The following OPHN1 variants were observed in gnomAD, a reference collection of about 807,000 sequenced individuals.
OPHN1 encodes oligophrenin-1.
OPHN1 carries 11 observed loss-of-function variants against 60.7 expected under a neutral mutation model. The ratio of observed to expected loss-of-function variants is 0.18; its 90% CI spans 0.11 to 0.30. OPHN1 has a LOEUF of 0.30. Among genes scored for constraint, OPHN1 ranks in the 10% least tolerant of loss-of-function variants. The pLI is 1.00. For missense variants in OPHN1, 449 were observed against 611.0 expected, an observed-to-expected ratio of 0.73 and a Z score of 2.80; for synonymous variants, 226 against 222.6, an observed-to-expected ratio of 1.02 and a Z score of -0.14.
At chrX:68,347,466 C>T (rs918922572) in intron 2 of OPHN1, among the ~76,000 whole-genome samples, 5 of 110,796 alleles carry the variant, frequency 4.5e-5, no homozygotes, top group East Asian at 2.9e-4. Context: ...CATAGGTGCA[C>T]GCCACCATGC....
intron 6 of OPHN1, among the ~76,000 whole-genome samples, chrX:68,232,043 A>G (rs2077731320): frequency 9.0e-6 from 1 of 111,608 alleles, no homozygotes; most frequent in South Asian, 3.8e-4. Flanking sequence ...TAAACCTAAA[A>G]CTTCTCTAAA....
intron 3 of OPHN1, among the ~76,000 whole-genome samples, chrX:68,296,651 A>C (rs1164486780): frequency 1.0e-5 from 1 of 99,184 alleles, no homozygotes; most frequent in East Asian, 2.9e-4. Flanking sequence ...CCATCTTAAA[A>C]AAAAAAAAAA....
intron 15 of OPHN1, among the ~76,000 whole-genome samples, chrX:68,157,634 A>C (rs1020881483): frequency 3.6e-5 from 4 of 111,731 alleles, no homozygotes; most frequent in Non-Finnish European, 1.9e-5. Flanking sequence ...TACTATGCTC[A>C]CTACCTGGGT....
chrX:68,402,922 G>A (rs1287812981), intron 2 of OPHN1, among the ~76,000 whole-genome samples: 2 of 111,694 alleles, frequency 1.8e-5, no homozygotes, highest in African/African-American at 6.5e-5. Flanking sequence ...AGATAAAATT[G>A]GGGGAGAGGT....
chrX:68,352,454 A>G lies in OPHN1; in HGVS notation c.155-53358T>C, dbSNP rs529458649. Among the ~76,000 whole-genome samples the G allele has an allele frequency of 7.2e-5, 8 of 110,741 alleles. No homozygotes were observed. The East Asian group carries it at 8.5e-4, about 12-fold the overall frequency. On this transcript the variant is annotated intron_variant, in intron 2 of 24. Transcript: ENST00000355520. ...GACAGTGCTTTGATCCCAAAGCCCA[A>G]TGATTTGCTATGCATGCATTTCTTG... is the stretch of plus-strand genomic sequence containing the variant.
intron 2 of OPHN1, among the ~76,000 whole-genome samples, chrX:68,329,398 G>A (rs2078283904): frequency 8.9e-6 from 1 of 112,236 alleles, no homozygotes; most frequent in East Asian, 2.8e-4. Context: ...ATGTTCATTG[G>A]CATATTATGG....
intron 15 of OPHN1, among the ~76,000 whole-genome samples, chrX:68,136,031 C>T (rs1019040224): frequency 9.0e-5 from 10 of 111,450 alleles, no homozygotes; most frequent in African/African-American, 3.3e-4. Flanking sequence ...AGAGTCATTC[C>T]TTCCTTAAGC....
At chrX:68,207,541 C>T (rs986332777) in intron 9 of OPHN1, among the ~76,000 whole-genome samples, 1 of 111,281 alleles carries the variant, frequency 9.0e-6, no homozygotes, top group African/African-American at 3.3e-5. Flanking sequence ...CCTATTGTCC[C>T]CATCTCTGAT....
At chrX:68,157,945 C>T (rs996576234) in intron 15 of OPHN1, among the ~76,000 whole-genome samples, 2 of 110,801 alleles carry the variant, frequency 1.8e-5, no homozygotes, top group Non-Finnish European at 3.8e-5. Flanking sequence ...ATTTTCTTTT[C>T]TTTTTTTTCT....
chrX:68,066,724 C>T (rs1020758780), intron 20 of OPHN1, among the ~76,000 whole-genome samples: 2 of 111,502 alleles, frequency 1.8e-5, no homozygotes, highest in Non-Finnish European at 3.8e-5. Flanking sequence ...TGTTACTAGC[C>T]CCATTTTACA....
intron 2 of OPHN1, among the ~76,000 whole-genome samples, chrX:68,385,730 G>A (rs2078621126): frequency 8.9e-6 from 1 of 112,013 alleles, no homozygotes; most frequent in African/African-American, 3.2e-5. Flanking sequence ...CACACACACA[G>A]GAGGAACTTT....
intron 9 of OPHN1, among the ~76,000 whole-genome samples, chrX:68,208,725 A>T (rs760315904): frequency 3.8e-4 from 43 of 112,191 alleles, no homozygotes; most frequent in African/African-American, 1.3e-3. Flanking sequence ...AGCATACAGC[A>T]GTGGTTCTCA....
At chrX:68,121,265 A>C (rs1215368334) in intron 15 of OPHN1, among the ~76,000 whole-genome samples, 1 of 112,493 alleles carries the variant, frequency 8.9e-6, no homozygotes, top group East Asian at 2.8e-4. Flanking sequence ...GATATCCAAA[A>C]TATAGAAGTA....
intron 5 of OPHN1, among the ~76,000 whole-genome samples, chrX:68,236,791 T>G (rs2077754914): frequency 8.9e-6 from 1 of 112,405 alleles, no homozygotes; most frequent in Admixed American, 9.4e-5. Flanking sequence ...TTTATTCTTT[T>G]GCAAGTAAAT....
intron 2 of OPHN1, among the ~76,000 whole-genome samples, chrX:68,407,757 G>A (rs1246816338): frequency 9.0e-6 from 1 of 111,366 alleles, no homozygotes; most frequent in East Asian, 2.8e-4. Flanking sequence ...TATCCAAATG[G>A]AGAAAATAAC....
chrX:68,317,381 AAGGAAGG>A lies in OPHN1; in HGVS notation c.155-18292_155-18286del, dbSNP rs1569278160. ...AAAGAAAGAAAGAAAGAAAGAAAGG[AAGGAAGG>A]AAGGAAGGAAGGAAGGAAGGAAGGA... On this transcript the variant is annotated intron_variant, in intron 2 of 24. Transcript: ENST00000355520. Among the ~76,000 whole-genome samples, 615 of 76,984 alleles carry A rather than the reference AAGGAAGG, an allele frequency of 8.0e-3. 5 individuals are homozygous for A. The highest frequency in any genetic ancestry group is 0.013 in the Non-Finnish European group (513 of 40,018). The allele number at this position is 76,984 out of a possible 115,157, so 66.9% of individuals were successfully genotyped here. A position where few individuals can be genotyped will look rare whatever the true frequency, so the allele number is the denominator to read the frequency against.
At chrX:68,139,540 T>C (rs1479648336) in intron 15 of OPHN1, among the ~76,000 whole-genome samples, 1 of 111,946 alleles carries the variant, frequency 8.9e-6, no homozygotes, top group Non-Finnish European at 1.9e-5. Context: ...TGATTTTACA[T>C]AATAAAAAGT....
intron 5 of OPHN1, among the ~76,000 whole-genome samples, chrX:68,241,912 A>C (rs745390713): frequency 4.5e-5 from 5 of 110,326 alleles, no homozygotes; most frequent in Non-Finnish European, 9.5e-5. Context: ...CAAGAGCAAA[A>C]CTCCATCTCA....
At chrX:68,359,669 A>C (rs999396363) in intron 2 of OPHN1, among the ~76,000 whole-genome samples, 27 of 109,146 alleles carry the variant, frequency 2.5e-4, no homozygotes, top group Non-Finnish European at 1.7e-4. Flanking sequence ...ATCCTGGCTA[A>C]CACGGTGAAA....
Sources: allele counts gnomAD v4.1 joint callset (sites outside exome capture counted in the v4.1 genomes callset), GRCh38; gene constraint gnomAD v4.1.1; transcripts MANE v1.5; gene names NCBI Gene and HGNC (gene_info 2026-07-23, HGNC 2026-07-21).